OTUD7A: variants seen among roughly 807,000 people sequenced by gnomAD.
The protein encoded by OTUD7A is OTU deubiquitinase 7A.
Under a neutral mutation model 65.7 loss-of-function variants are expected in OTUD7A, and 12 were observed. The observed-to-expected ratio is 0.18, with a 90% CI of 0.12 to 0.30. The LOEUF is 0.30. Among genes scored for constraint, OTUD7A ranks in the 10% least tolerant of loss-of-function variants. The probability of loss-of-function intolerance (pLI) is 1.00; values close to 1 mark genes in which losing one functional copy is unlikely to be tolerated. For missense variants in OTUD7A, 1,148 were observed against 1,304.8 expected, an observed-to-expected ratio of 0.88 and a Z score of 1.85; for synonymous variants, 641 against 586.3, an observed-to-expected ratio of 1.09 and a Z score of -1.35.
intron 12 of OTUD7A, among the ~76,000 whole-genome samples, chr15:31,485,343 A>G (rs2041221841): frequency 6.6e-6 from 1 of 152,228 alleles, no homozygotes; most frequent in Non-Finnish European, 1.5e-5. Flanking sequence ...CCCTTGATTC[A>G]GGGATGCCAA....
In OTUD7A at chr15:31,498,299, C is replaced by A. The variant is rs147294757; in HGVS notation, c.1171+3391G>T. Among the ~76,000 whole-genome samples, 23 of 152,160 alleles carry A rather than the reference C, an allele frequency of 1.5e-4. No individual in the cohort carries two copies. Among genetic ancestry groups the A allele is most frequent in the Non-Finnish European group, 2.4e-4 (16 of 68,012 alleles). On this transcript the variant is annotated intron_variant, in intron 10 of 12. Transcript: ENST00000307050. The surrounding 1 kb of genome is among the most constrained non-coding windows in gnomAD (Gnocchi z 4.2). ...CTGTGTGAGAATATTTACAGAAATG[C>A]AGATTATTTTATTACATTGGTTTCC... is the stretch of plus-strand genomic sequence containing the variant.
intron 3 of OTUD7A, among the ~76,000 whole-genome samples, chr15:31,621,919 C>T (rs1245495365): frequency 2.0e-5 from 3 of 152,106 alleles, no homozygotes; most frequent in African/African-American, 7.2e-5. Context: ...TTCCTTTCCA[C>T]ATTTAGTGCT....
intron 1 of OTUD7A, among the ~76,000 whole-genome samples, chr15:31,713,812 C>A (rs971963476): frequency 6.6e-6 from 1 of 151,754 alleles, no homozygotes; most frequent in African/African-American, 2.4e-5. Flanking sequence ...ACAGTCAATT[C>A]AATAGCAAAA....
chr15:31,743,469 T>G (rs144140153), intron 1 of OTUD7A, among the ~76,000 whole-genome samples: 2 of 152,148 alleles, frequency 1.3e-5, no homozygotes, highest in African/African-American at 4.8e-5. Flanking sequence ...GTGAAAGTTA[T>G]AGTACTAAAC....
At chr15:31,553,541 A>G (rs1034482994) in intron 5 of OTUD7A, among the ~76,000 whole-genome samples, 13 of 152,028 alleles carry the variant, frequency 8.6e-5, no homozygotes, top group African/African-American at 3.1e-4. Flanking sequence ...GTCTCACTAC[A>G]GTCTCGGGCT....
chr15:31,476,889 T>C lies in OTUD7A; in HGVS notation c.*6405A>G, dbSNP rs910088868. ...AGTAAACACCAAAGTTAGGTAGTTG[T>C]GAAAATCATCTGGCAGGGGCAGGAA... On this transcript the variant is annotated 3_prime_UTR_variant, in exon 13 of 13. Coordinates refer to ENST00000307050, the MANE Select transcript of OTUD7A (RefSeq NM_001382637.1). The C allele has an allele frequency of 3.9e-5, 6 of 152,258 alleles. No homozygotes were observed. Among genetic ancestry groups the C allele is most frequent in the African/African-American group, 1.4e-4 (6 of 41,460 alleles). 9.4% of individuals were successfully genotyped at this position (152,258 alleles called of 1,614,324 possible). A position where few individuals can be genotyped will look rare whatever the true frequency, so the allele number is the denominator to read the frequency against.
chr15:31,845,617 C>A (rs554920004), intron 1 of OTUD7A, among the ~76,000 whole-genome samples: 1 of 152,200 alleles, frequency 6.6e-6, no homozygotes, highest in Non-Finnish European at 1.5e-5. Flanking sequence ...CATGTTGAGG[C>A]CCCCTCAGGA....
intron 1 of OTUD7A, among the ~76,000 whole-genome samples, chr15:31,756,960 C>T (rs1894834254): frequency 2.0e-5 from 3 of 152,114 alleles, no homozygotes; most frequent in Admixed American, 2.0e-4. Flanking sequence ...TGGCAGGAAA[C>T]CATCCTCTTC....
intron 1 of OTUD7A, among the ~76,000 whole-genome samples, chr15:31,699,742 G>C (rs1893170651): frequency 6.6e-6 from 1 of 152,068 alleles, no homozygotes; most frequent in South Asian, 2.1e-4. Flanking sequence ...ATGCAAGGCA[G>C]GTCCTTGCCT....
chr15:31,540,979 G>A (rs974108026), intron 5 of OTUD7A, among the ~76,000 whole-genome samples: 5 of 152,158 alleles, frequency 3.3e-5, no homozygotes, highest in South Asian at 2.1e-4. Flanking sequence ...ATAGCAATGC[G>A]CTTTGCTGTA....
chr15:31,601,618 C>T lies in OTUD7A; in HGVS notation c.152-31421G>A, dbSNP rs188612574. ...AGAAAAAACTAAGATCAGAGCAGAA[C>T]TGAAGGAGATAGAGACACAAAAAAC... On this transcript the variant is annotated intron_variant, in intron 3 of 12. Transcript: ENST00000307050. Among the ~76,000 whole-genome samples, 826 of 152,086 alleles carry T rather than the reference C, an allele frequency of 5.4e-3. 10 individuals are homozygous for T. Among genetic ancestry groups the T allele is most frequent in the African/African-American group, 0.019 (793 of 41,460 alleles).
intron 1 of OTUD7A, among the ~76,000 whole-genome samples, chr15:31,661,886 C>T (rs905014785): frequency 1.3e-5 from 2 of 152,058 alleles, no homozygotes; most frequent in African/African-American, 2.4e-5. Context: ...ATTTTGCCTC[C>T]GTCTTTTTCC....
intron 10 of OTUD7A, among the ~76,000 whole-genome samples, chr15:31,488,860 A>G (rs554574491): frequency 6.6e-6 from 1 of 152,338 alleles, no homozygotes; most frequent in East Asian, 1.9e-4. Context: ...CCAATAAGGG[A>G]AATGCAGCTT....
chr15:31,554,093 TC>T lies in OTUD7A; in HGVS notation c.550+4875del, dbSNP rs138378938. Among the ~76,000 whole-genome samples, 1,371 of 152,174 alleles carry T rather than the reference TC, an allele frequency of 9.0e-3. 27 individuals carry two copies. The highest frequency in any genetic ancestry group is 0.032 in the African/African-American group (1,322 of 41,492). On this transcript the variant is annotated intron_variant, in intron 5 of 12. Transcript: ENST00000307050. The stretch of plus-strand genomic sequence containing the variant: ...ATATGCCAAGACTTTGATGTTAGAC[TC>T]CCTCTGCCAGGAAAGCCAGGCCCGC...
At chr15:31,620,081 G>A (rs1184306499) in intron 3 of OTUD7A, among the ~76,000 whole-genome samples, 1 of 152,146 alleles carries the variant, frequency 6.6e-6, no homozygotes, top group Non-Finnish European at 1.5e-5. Flanking sequence ...ATTGATTTGT[G>A]TATGTTGAAC....
At chr15:31,845,613 G>A (rs1897278193) in intron 1 of OTUD7A, among the ~76,000 whole-genome samples, 1 of 152,208 alleles carries the variant, frequency 6.6e-6, no homozygotes, top group Non-Finnish European at 1.5e-5. Flanking sequence ...CCAGCATGTT[G>A]AGGCCCCCTC....
intron 1 of OTUD7A, among the ~76,000 whole-genome samples, chr15:31,663,973 C>T (rs950261453): frequency 1.3e-5 from 2 of 152,174 alleles, no homozygotes; most frequent in African/African-American, 4.8e-5. Context: ...AGTCTCCAGT[C>T]TCATCCAGGT....
intron 5 of OTUD7A, chr15:31,558,187 T>C (rs1888560952): frequency 6.6e-6 from 1 of 152,210 alleles, no homozygotes. Context: ...AACCCCCAGA[T>C]ATGTGATTTT....
intron 1 of OTUD7A, among the ~76,000 whole-genome samples, chr15:31,672,601 G>T (rs969555163): frequency 3.3e-5 from 5 of 152,190 alleles, no homozygotes; most frequent in African/African-American, 9.7e-5. Flanking sequence ...CAGTGGCAGA[G>T]TAAGGATTCC....
Sources: allele counts gnomAD v4.1 joint callset (sites outside exome capture counted in the v4.1 genomes callset), GRCh38; gene constraint gnomAD v4.1.1; non-coding constraint Gnocchi (gnomAD v3.1); transcripts MANE v1.5; gene names NCBI Gene and HGNC (gene_info 2026-07-23, HGNC 2026-07-21).